LRFN2: variants seen among roughly 807,000 people sequenced by gnomAD.
LRFN2 encodes the protein leucine rich repeat and fibronectin type III domain containing 2.
Under a neutral mutation model 37.3 loss-of-function variants are expected in LRFN2, and 18 were observed. The ratio of observed to expected loss-of-function variants is 0.48; its 90% CI spans 0.33 to 0.72. The LOEUF is 0.72. Among genes scored for constraint, LRFN2 ranks in the 30% least tolerant of loss-of-function variants. The probability of loss-of-function intolerance (pLI) is 0.02; values close to 1 mark genes in which losing one functional copy is unlikely to be tolerated. For missense variants in LRFN2, 1,006 were observed against 1,060.7 expected (o/e 0.95, Z 0.72); for synonymous variants, 556 against 466.6 (o/e 1.19, Z -2.47).
rs1003412779 is a variant in LRFN2, at chr6:40,587,300, TGGAATGTG to T, written c.-386_-379del. 2.0e-5 allele frequency: 3 copies of T among 152,028 alleles called. No individual in the cohort carries two copies. The highest frequency in any genetic ancestry group is 7.2e-5 in the African/African-American group (3 of 41,398). 9.4% of individuals were successfully genotyped at this position (152,028 alleles called of 1,614,324 possible). On this transcript the variant is annotated 5_prime_UTR_variant, in exon 1 of 3. Transcript: ENST00000338305. The surrounding 1 kb of genome is among the most constrained non-coding windows in gnomAD (Gnocchi z 4.2). ...GCATTCCCAGGAACCTCGGGCATCT[TGGAATGTG>T]GGGTGTCTTCAAGTTCAGACGAGCC...
intron 1 of LRFN2, among the ~76,000 whole-genome samples, chr6:40,499,895 A>C (rs1025477696): frequency 1.3e-5 from 2 of 152,222 alleles, no homozygotes; most frequent in Non-Finnish European, 2.9e-5. Context: ...CTCATCTGGA[A>C]AATGGGAAGA....
chr6:40,520,010 T>G (rs1376615940), intron 1 of LRFN2, among the ~76,000 whole-genome samples: 1 of 151,880 alleles, frequency 6.6e-6, no homozygotes, highest in African/African-American at 2.4e-5. Context: ...GCTGGGACAA[T>G]GTGGCATATA....
intron 1 of LRFN2, among the ~76,000 whole-genome samples, chr6:40,447,259 C>T (rs996270695): frequency 2.0e-5 from 3 of 152,214 alleles, no homozygotes; most frequent in African/African-American, 7.2e-5. Flanking sequence ...TCTCATTAAC[C>T]TCAAGCAAAG....
intron 1 of LRFN2, among the ~76,000 whole-genome samples, chr6:40,442,312 A>T (rs1429450717): frequency 6.6e-6 from 1 of 152,240 alleles, no homozygotes; most frequent in Non-Finnish European, 1.5e-5. Flanking sequence ...TGGTTGGCCC[A>T]GGCAAAAATT....
At chr6:40,498,796 C>T (rs945570289) in intron 1 of LRFN2, among the ~76,000 whole-genome samples, 4 of 152,234 alleles carry the variant, frequency 2.6e-5, no homozygotes, top group South Asian at 2.1e-4. Context: ...GGCACAGACA[C>T]TTTGCCTCTG....
chr6:40,428,478 T>C (rs574771581), intron 2 of LRFN2, among the ~76,000 whole-genome samples: 2 of 152,344 alleles, frequency 1.3e-5, no homozygotes, highest in East Asian at 3.9e-4. Context: ...GTCCATGCTT[T>C]CTAATGAGGA....
At chr6:40,456,298 A>C (rs1764233352) in intron 1 of LRFN2, among the ~76,000 whole-genome samples, 1 of 152,216 alleles carries the variant, frequency 6.6e-6, no homozygotes, top group South Asian at 2.1e-4. Flanking sequence ...ACATACCCAG[A>C]AGTGTGAATT....
At chr6:40,428,112 A>G (rs768177095) in intron 2 of LRFN2, among the ~76,000 whole-genome samples, 2 of 152,248 alleles carry the variant, frequency 1.3e-5, no homozygotes, top group Non-Finnish European at 2.9e-5. Context: ...TAAATGAGTT[A>G]GTGCACATAG....
At chr6:40,396,371 C>T (rs1004872219) in intron 2 of LRFN2, among the ~76,000 whole-genome samples, 10 of 152,276 alleles carry the variant, frequency 6.6e-5, no homozygotes, top group Middle Eastern at 3.4e-3. Context: ...GACACTGCCC[C>T]GTCTTCCTGC....
intron 1 of LRFN2, among the ~76,000 whole-genome samples, chr6:40,517,963 C>A (rs2113895808): frequency 6.6e-6 from 1 of 152,302 alleles, no homozygotes; most frequent in Non-Finnish European, 1.5e-5. Context: ...CACCCACTTT[C>A]TCTGACTCCT....
chr6:40,451,018 A>C (rs1416019850), intron 1 of LRFN2, among the ~76,000 whole-genome samples: 1 of 152,194 alleles, frequency 6.6e-6, no homozygotes, highest in Non-Finnish European at 1.5e-5. Flanking sequence ...ATCTCCATGG[A>C]TATCACTATT....
At chr6:40,555,964 A>G (rs1326856081) in intron 1 of LRFN2, among the ~76,000 whole-genome samples, 2 of 150,654 alleles carry the variant, frequency 1.3e-5, no homozygotes, top group Admixed American at 6.6e-5. Flanking sequence ...ACTCCTGAAG[A>G]ACAAGAGGCG....
chr6:40,452,755 C>T (rs1283766943), intron 1 of LRFN2, among the ~76,000 whole-genome samples: 1 of 152,118 alleles, frequency 6.6e-6, no homozygotes, highest in African/African-American at 2.4e-5. Context: ...ATGGAATTAT[C>T]CTTCTCCCCC....
At chr6:40,436,620 A>G (rs748048342) in intron 1 of LRFN2, among the ~76,000 whole-genome samples, 1 of 151,786 alleles carries the variant, frequency 6.6e-6, no homozygotes, top group Non-Finnish European at 1.5e-5. Context: ...TGTTCTCACC[A>G]AGCTCCCACC....
intron 1 of LRFN2, among the ~76,000 whole-genome samples, chr6:40,578,834 A>AT (rs1341427180): frequency 6.6e-6 from 1 of 152,200 alleles, no homozygotes; most frequent in East Asian, 1.9e-4. Context: ...CACAGAAAGA[A>AT]TAACCCACTC....
chr6:40,575,299 G>A (rs1011689606), intron 1 of LRFN2, among the ~76,000 whole-genome samples: 2 of 152,168 alleles, frequency 1.3e-5, no homozygotes, highest in Admixed American at 6.5e-5. Flanking sequence ...GCCCAGCTCC[G>A]AGGTGCTCCT....
intron 2 of LRFN2, among the ~76,000 whole-genome samples, chr6:40,417,595 G>A (rs907963034): frequency 6.6e-6 from 1 of 152,184 alleles, no homozygotes; most frequent in Non-Finnish European, 1.5e-5. Context: ...TGCTGACAGA[G>A]GAGCTGGGTC....
intron 1 of LRFN2, among the ~76,000 whole-genome samples, chr6:40,534,488 C>A (rs115931254): frequency 0.015 from 2,257 of 152,048 alleles, 34 homozygotes; most frequent in Admixed American, 0.028. Flanking sequence ...GGCTCTGCAA[C>A]GGCAGGCGGA....
At chr6:40,399,193 A>T (rs750160462) in intron 2 of LRFN2, among the ~76,000 whole-genome samples, 1 of 151,714 alleles carries the variant, frequency 6.6e-6, no homozygotes, top group Non-Finnish European at 1.5e-5. Context: ...CCTGCTAGAC[A>T]CATTAGGATC....
Sources: gnomAD v4.1 joint callset for allele counts (sites outside exome capture counted in the v4.1 genomes callset) on GRCh38, gnomAD v4.1.1 for gene constraint, Gnocchi (gnomAD v3.1) non-coding constraint, MANE v1.5 for transcripts, NCBI Gene and HGNC (gene_info 2026-07-23, HGNC 2026-07-21) for gene names.